The following CUTC variants were observed in gnomAD, a reference collection of about 807,000 sequenced individuals.
The protein encoded by CUTC is cutC copper transporter.
In CUTC, 27 loss-of-function variants were observed where a neutral mutation model predicts 36.2. The ratio of observed to expected loss-of-function variants is 0.75; its 90% CI spans 0.55 to 1.03. The LOEUF is 1.03. CUTC is among the 50% of genes least tolerant of loss of function. The probability of loss-of-function intolerance (pLI) is 0.00; values close to 1 mark genes in which losing one functional copy is unlikely to be tolerated. For missense variants in CUTC, 315 were observed against 343.5 expected, an observed-to-expected ratio of 0.92 and a Z score of 0.66; for synonymous variants, 114 against 118.3, an observed-to-expected ratio of 0.96 and a Z score of 0.24.
At chr10:99,741,636 C>T (rs2037341796) in intron 3 of CUTC, among the ~76,000 whole-genome samples, 1 of 152,066 alleles carries the variant, frequency 6.6e-6, no homozygotes, top group East Asian at 1.9e-4. Flanking sequence ...GTGACCATAG[C>T]TCCCTACAGC....
rs1332945058 is a variant in CUTC, at chr10:99,732,296, AG to A, written c.-52del. 1.9e-6 allele frequency: 3 copies of A among 1,548,636 alleles called. No homozygotes were observed. In the African/African-American group the frequency reaches 4.1e-5, roughly 21 times the overall value. On this transcript the variant is annotated 5_prime_UTR_variant, in exon 1 of 9. Transcript: ENST00000370476. ...GCGCTTCTTAGCTGGTGCGCGCCGG[AG>A]CCCAAATTCCAAGTGGAAACTGCAG...
chr10:99,743,320 G>A lies in CUTC; in HGVS notation c.361G>A (p.Glu121Lys), dbSNP rs764779378. Residue 121 changes from glutamate (E) to lysine (K), a missense_variant, in exon 4 of 9, where the codon GAA (glutamate) becomes AAA (lysine). By Grantham distance (56) the Glu-to-Lys change is moderately conservative. Transcript: ENST00000370476. ...ADGLVFGALT[E>K]DGHIDKELCM... ...TGGTTTGGTTTTTGGGGCATTGACTGAAGATGGACACATTGACAAAGAGCT... is the reference window on the plus strand; with the variant it reads ...TGGTTTGGTTTTTGGGGCATTGACTAAAGATGGACACATTGACAAAGAGCT... 2.5e-6 allele frequency: 4 copies of A among 1,614,142 alleles called. No individual in the cohort carries two copies. Among genetic ancestry groups the A allele is most frequent in the Non-Finnish European group, 3.4e-6 (4 of 1,180,016 alleles).
Position 99,743,188 on chromosome 10 carries a change from CCA to C in CUTC, c.230_231del (p.Pro77ArgfsTer11). 1 of 1,613,960 alleles carries C rather than the reference CCA, an allele frequency of 6.2e-7. No individual in the cohort carries two copies. Among genetic ancestry groups the C allele is most frequent in the African/African-American group, 1.3e-5 (1 of 74,962 alleles). On this transcript the variant is annotated frameshift_variant, in exon 4 of 9. Coordinates refer to ENST00000370476, the MANE Select transcript of CUTC (RefSeq NM_015960.3). LOFTEE classifies it high-confidence loss of function. ...AGTAGTGAAGCAGAGTGTTCAGATCCCAGTTTTTGTGATGATTCGGCCACGGG... is the reference window on the plus strand; with the variant it reads ...AGTAGTGAAGCAGAGTGTTCAGATCCGTTTTTGTGATGATTCGGCCACGGG... ...LQVVKQSVQI[P>X]VFVMIRPRGG... is the part of the protein sequence containing the mutation.
chr10:99,755,599 C>A, intron 8 of CUTC, 26 bp from the exon 9 acceptor site: 1 of 1,451,922 alleles, frequency 6.9e-7, no homozygotes, highest in South Asian at 1.2e-5. Context: ...ACATAATTAT[C>A]TGTTCCTTTA....
At position 99,755,672 on chromosome 10, in the gene CUTC, C is replaced by T. The variant is rs576590060; in HGVS notation, c.755C>T (p.Ser252Phe). 6.2e-7 allele frequency: 1 copy of T among 1,613,940 alleles called. No individual in the cohort carries two copies. The highest frequency in any genetic ancestry group is 1.1e-5 in the South Asian group (1 of 91,066). ...MGASLSCSEY[S>F]LKVTDVTKVR... is the part of the protein sequence containing the mutation. ...GCCTCACTTTCTTGCTCAGAATATTCCCTAAAGGTAACAGATGTGACCAAA... is the reference window on the plus strand; with the variant it reads ...GCCTCACTTTCTTGCTCAGAATATTTCCTAAAGGTAACAGATGTGACCAAA... The change falls in exon 9 of 9, where the codon TCC becomes TTC. Residue 252 changes from serine (S) to phenylalanine (F), a missense_variant. Coordinates refer to ENST00000370476, the MANE Select transcript of CUTC (RefSeq NM_015960.3).
rs1412788998 is a variant in CUTC, at chr10:99,740,057, T to G, written c.193+288T>G. 3.3e-5 allele frequency among the ~76,000 whole-genome samples: 5 copies of G among 152,234 alleles called. No homozygotes were observed. In the East Asian group the frequency reaches 9.6e-4, roughly 29 times the overall value. On this transcript the variant is annotated intron_variant, in intron 3 of 8. Transcript: ENST00000370476. ...AATCTTTCCATGCTGGCATCCTTAGTATATTGAAATCCCCTCCTGGTCTTT... is the reference window on the plus strand; with the variant it reads ...AATCTTTCCATGCTGGCATCCTTAGGATATTGAAATCCCCTCCTGGTCTTT...
At chr10:99,734,450 TA>T in intron 1 of CUTC, among the ~76,000 whole-genome samples, 1 of 152,236 alleles carries the variant, frequency 6.6e-6, no homozygotes, top group Admixed American at 6.5e-5. Flanking sequence ...TTTTTCAAAG[TA>T]AAAATTGCTT....
chr10:99,747,417 C>G, intron 6 of CUTC, 27 bp downstream of exon 6: 2 of 1,613,200 alleles, frequency 1.2e-6, no homozygotes, highest in Non-Finnish European at 1.7e-6. Context: ...TTTTTTTCCC[C>G]TAAGACTCTG....
intron 1 of CUTC, among the ~76,000 whole-genome samples, chr10:99,735,625 C>T (rs963019891): frequency 3.9e-5 from 6 of 152,220 alleles, no homozygotes; most frequent in Admixed American, 1.3e-4. Context: ...CCAGGCTGAT[C>T]TCCAATTCCT....
intron 3 of CUTC, 49 bp downstream of exon 3, chr10:99,739,818 G>A: frequency 3.3e-6 from 5 of 1,496,618 alleles, no homozygotes; most frequent in Non-Finnish European, 4.6e-6. Context: ...CATAGAGCCT[G>A]GAAGCAACTG....
At chr10:99,746,079 C>T (rs115981552) in intron 5 of CUTC, among the ~76,000 whole-genome samples, 1,535 of 152,312 alleles carry the variant, frequency 0.01, 23 homozygotes, top group Middle Eastern at 0.041. Flanking sequence ...CCAAATTTGA[C>T]TCACCTGCCT....
At position 99,736,270 on chromosome 10, in the gene CUTC, AAG is replaced by A; in HGVS notation, c.87_88del (p.Glu29AspfsTer4). The stretch of plus-strand genomic sequence containing the variant: ...GGAGCAGCAAATGGATTTCTCATGG[AAG>A]TTTGTGTTGATTCAGTGGAATCAGC... On this transcript the variant is annotated frameshift_variant, in exon 2 of 9. Coordinates refer to ENST00000370476, the MANE Select transcript of CUTC (RefSeq NM_015960.3). LOFTEE classifies it high-confidence loss of function. 1.9e-6 allele frequency: 3 copies of A among 1,613,910 alleles called. No homozygotes were observed. The highest frequency in any genetic ancestry group is 2.5e-6 in the Non-Finnish European group (3 of 1,179,864).
intron 7 of CUTC, among the ~76,000 whole-genome samples, 188 bp from the exon 8 acceptor site, chr10:99,754,341 A>G (rs1182139669): frequency 6.6e-6 from 1 of 152,230 alleles, no homozygotes; most frequent in Non-Finnish European, 1.5e-5. Context: ...GTACTTCCCC[A>G]GAGTCTGTAG....
At chr10:99,734,358 C>T (rs1401251413) in intron 1 of CUTC, among the ~76,000 whole-genome samples, 2 of 152,170 alleles carry the variant, frequency 1.3e-5, no homozygotes, top group Non-Finnish European at 2.9e-5. Context: ...TGAGCCACCG[C>T]GCCGGACAGG....
intron 2 of CUTC, among the ~76,000 whole-genome samples, chr10:99,739,040 A>C (rs2037319372): frequency 6.6e-6 from 1 of 152,160 alleles, no homozygotes; most frequent in Non-Finnish European, 1.5e-5. Flanking sequence ...TCCCTTATTT[A>C]TTATAATACT....
intron 1 of CUTC, among the ~76,000 whole-genome samples, chr10:99,732,918 T>C (rs1452954834): frequency 6.6e-6 from 1 of 152,220 alleles, no homozygotes; most frequent in Non-Finnish European, 1.5e-5. Context: ...TAGCATGGCA[T>C]GGCAGGTGCC....
At chr10:99,751,903 C>T (rs577941658) in intron 7 of CUTC, among the ~76,000 whole-genome samples, 48 of 152,292 alleles carry the variant, frequency 3.2e-4, no homozygotes, top group Non-Finnish European at 6.2e-4. Flanking sequence ...AAATGTCCTA[C>T]TTTCTGGATT....
At chr10:99,753,106 G>C (rs1226357978) in intron 7 of CUTC, among the ~76,000 whole-genome samples, 1 of 152,140 alleles carries the variant, frequency 6.6e-6, no homozygotes, top group Non-Finnish European at 1.5e-5. Flanking sequence ...TTTAACCATA[G>C]AGCTGTGTTA....
At chr10:99,755,380 G>GGAAA (rs545064839) in intron 8 of CUTC, among the ~76,000 whole-genome samples, 2 of 122,006 alleles carry the variant, frequency 1.6e-5, no homozygotes, top group African/African-American at 3.1e-5. Context: ...ATTTAAAAAG[G>GGAAA]AAAAAAAAAA....
Sources: allele counts gnomAD v4.1 joint callset (sites outside exome capture counted in the v4.1 genomes callset), GRCh38; gene constraint gnomAD v4.1.1; transcripts MANE v1.5; gene names NCBI Gene and HGNC (gene_info 2026-07-23, HGNC 2026-07-21).